ASZ1: variants seen among roughly 807,000 people sequenced by gnomAD.
The protein encoded by ASZ1 is ankyrin repeat, SAM and basic leucine zipper domain containing 1.
A neutral mutation model predicts 61.8 loss-of-function variants in ASZ1; 67 were observed. That is an observed-to-expected ratio of 1.08 (90% confidence interval 0.89 to 1.33). The LOEUF (loss-of-function observed/expected upper bound fraction) is 1.33. Among genes scored for constraint, ASZ1 ranks in the 40% most tolerant of loss-of-function variants. The pLI is 0.00. For synonymous variants in ASZ1, 193 were observed against 192.7 expected (o/e 1.00, Z -0.01); for missense variants, 577 against 554.5 (o/e 1.04, Z -0.41).
chr7:117,370,648 C>A (rs1796031912), intron 10 of ASZ1, among the ~76,000 whole-genome samples: 1 of 151,932 alleles, frequency 6.6e-6, no homozygotes, highest in Non-Finnish European at 1.5e-5. Context: ...ATACAATAAC[C>A]ATAAGATGCC....
chr7:117,380,099 T>G lies in ASZ1; in HGVS notation c.946-52A>C, dbSNP rs369639530. ...GTAAGTTAGTTATACTTGAGTAATT[T>G]AAAACTCAAAATTGCTAAAGATGTT... On this transcript the variant is annotated intron_variant, in intron 9 of 12. Transcript: ENST00000284629. 7 of 1,184,674 alleles carry G rather than the reference T, an allele frequency of 5.9e-6. No individual in the cohort carries two copies. The African/African-American group carries it at 1.1e-4, about 18-fold the overall frequency. 73.4% of individuals were successfully genotyped at this position (1,184,674 alleles called of 1,614,324 possible). A position where few individuals can be genotyped will look rare whatever the true frequency, so the allele number is the denominator to read the frequency against.
chr7:117,386,193 T>A (rs1034666905), intron 4 of ASZ1, among the ~76,000 whole-genome samples: 6 of 152,176 alleles, frequency 3.9e-5, no homozygotes, highest in African/African-American at 1.4e-4. Context: ...CTCAAAGGAT[T>A]TGCTAATACT....
intron 4 of ASZ1, among the ~76,000 whole-genome samples, chr7:117,403,812 G>A (rs951426926): frequency 1.2e-4 from 19 of 152,250 alleles, no homozygotes; most frequent in Admixed American, 3.9e-4. Context: ...GAACTGAGCC[G>A]CAGAGCAGGA....
chr7:117,397,777 T>TC (rs1796604238), intron 4 of ASZ1, among the ~76,000 whole-genome samples: 1 of 152,162 alleles, frequency 6.6e-6, no homozygotes. Context: ...CAGAGGCTAC[T>TC]CCCCCTACAA....
Position 117,395,073 on chromosome 7 carries a change from T to A in ASZ1, c.441-9264A>T, listed in dbSNP as rs190323129. Reference sequence around the variant, plus strand: ...GGTGATTTTTGGTTGTGCACCTACCTTCTGGTCTATGGCAAAGGCCTCCAA... The same window carrying A: ...GGTGATTTTTGGTTGTGCACCTACCATCTGGTCTATGGCAAAGGCCTCCAA... On this transcript the variant is annotated intron_variant, in intron 4 of 12. Transcript: ENST00000284629. 1.7e-3 allele frequency among the ~76,000 whole-genome samples: 260 copies of A among 152,004 alleles called. 2 individuals carry two copies. The highest frequency in any genetic ancestry group is 6.2e-3 in the African/African-American group (256 of 41,578).
chr7:117,392,429 T>G (rs1796488755), intron 4 of ASZ1, among the ~76,000 whole-genome samples: 1 of 152,186 alleles, frequency 6.6e-6, no homozygotes, highest in Non-Finnish European at 1.5e-5. Context: ...CCTAGGTATT[T>G]TAATTATTTC....
chr7:117,424,072 T>C lies in ASZ1; in HGVS notation c.206-1713A>G, dbSNP rs571442613. 1.1e-4 allele frequency among the ~76,000 whole-genome samples: 17 copies of C among 152,220 alleles called. No individual in the cohort carries two copies. In the South Asian group the frequency reaches 3.3e-3, roughly 30 times the overall value. On this transcript the variant is annotated intron_variant, in intron 2 of 12. Transcript: ENST00000284629. ...AATAATACTATATTGTTTAGGGACA[T>C]AGTAAAAGTATAAAGATACTCATAA...
chr7:117,410,023 T>A (rs1342025715), intron 4 of ASZ1, among the ~76,000 whole-genome samples: 1 of 151,786 alleles, frequency 6.6e-6, no homozygotes, highest in East Asian at 1.9e-4. Context: ...ATATCTCTTA[T>A]GTGTAAACTT....
intron 10 of ASZ1, among the ~76,000 whole-genome samples, chr7:117,374,937 A>G (rs1796110872): frequency 6.6e-6 from 1 of 152,088 alleles, no homozygotes; most frequent in Admixed American, 6.6e-5. Flanking sequence ...AACAGCTTAC[A>G]TAAGCAAGAG....
chr7:117,381,172 T>G (rs1584722731), intron 8 of ASZ1, 105 bp from the exon 9 acceptor site: 1 of 977,446 alleles, frequency 1.0e-6, no homozygotes, highest in African/African-American at 1.6e-5. Context: ...CTGAAGCAAA[T>G]TCCAATTTTC....
At chr7:117,395,787 A>C (rs1796566721) in intron 4 of ASZ1, among the ~76,000 whole-genome samples, 1 of 152,216 alleles carries the variant, frequency 6.6e-6, no homozygotes, top group Admixed American at 6.5e-5. Flanking sequence ...AAAAAGATGT[A>C]ATAGTTTAAT....
intron 10 of ASZ1, among the ~76,000 whole-genome samples, chr7:117,371,799 G>A (rs1339008230): frequency 2.6e-5 from 4 of 152,086 alleles, no homozygotes; most frequent in Non-Finnish European, 5.9e-5. Flanking sequence ...AAGATCCATT[G>A]AGAATTATCA....
chr7:117,400,527 C>G lies in ASZ1; in HGVS notation c.441-14718G>C, dbSNP rs926721176. On this transcript the variant is annotated intron_variant, in intron 4 of 12. Transcript: ENST00000284629. ...GCAGAAAGCAGTAACTTTAGGCCTT[C>G]TTATGGTGATGGGGAACTCCAACAC... is the stretch of plus-strand genomic sequence containing the variant. Among the ~76,000 whole-genome samples the G allele has an allele frequency of 5.3e-5, 8 of 152,150 alleles. No homozygotes were observed. In the South Asian group the frequency reaches 8.3e-4, roughly 16 times the overall value.
rs553177863 is a variant in ASZ1 at position 117,368,169 on chromosome 7, C to T, written c.1161+443G>A. 6 of 819,338 alleles carry T rather than the reference C, an allele frequency of 7.3e-6. No homozygotes were observed. In the African/African-American group the frequency reaches 1.1e-4, roughly 15 times the overall value. The allele number at this position is 819,338 out of a possible 1,614,324, so 50.8% of individuals were successfully genotyped here. On this transcript the variant is annotated intron_variant, in intron 11 of 12. Coordinates refer to ENST00000284629, the MANE Select transcript of ASZ1 (RefSeq NM_130768.3). ...CTCAAACTCCTGGCCTCAAGCAATTCTCCCACGTGGGCCTCCCAAAGTGTT... is the reference window on the plus strand; with the variant it reads ...CTCAAACTCCTGGCCTCAAGCAATTTTCCCACGTGGGCCTCCCAAAGTGTT...
Position 117,363,353 on chromosome 7 carries a change from C to T in ASZ1, c.*243G>A, listed in dbSNP as rs1795861770. The T allele has an allele frequency of 1.5e-5, 4 of 266,004 alleles. No individual in the cohort carries two copies. Among genetic ancestry groups the T allele is most frequent in the East Asian group, 6.5e-5 (1 of 15,428 alleles). The allele number at this position is 266,004 out of a possible 1,614,324, so 16.5% of individuals were successfully genotyped here. On this transcript the variant is annotated 3_prime_UTR_variant, in exon 13 of 13. Transcript: ENST00000284629. The stretch of plus-strand genomic sequence containing the variant: ...TTTAATTTTGAATGTGATTTAGATA[C>T]GATCAAACCAAAAAATTACTTATAC...
intron 4 of ASZ1, among the ~76,000 whole-genome samples, chr7:117,387,540 T>A (rs907381560): frequency 1.3e-5 from 2 of 152,136 alleles, no homozygotes; most frequent in African/African-American, 4.8e-5. Flanking sequence ...TTAACCACAT[T>A]ACTCAGGCTT....
intron 4 of ASZ1, among the ~76,000 whole-genome samples, chr7:117,406,078 G>C (rs1226900141): frequency 1.4e-5 from 2 of 145,964 alleles, no homozygotes; most frequent in Non-Finnish European, 2.9e-5. Flanking sequence ...TTAGACCATA[G>C]GGTCATTATC....
Position 117,381,981 on chromosome 7 carries a change from G to T in ASZ1, c.888+88C>A. On this transcript the variant is annotated intron_variant, in intron 8 of 12. Coordinates refer to ENST00000284629, the MANE Select transcript of ASZ1 (RefSeq NM_130768.3). ...AAAAGTAAATTGGCAGTTATTCATA[G>T]ACATGTTTATGAATTAATATCTAAC... The T allele has an allele frequency of 4.9e-6, 4 of 810,694 alleles. No homozygotes were observed. The Admixed American group carries it at 7.3e-5, about 15-fold the overall frequency. 50.2% of individuals were successfully genotyped at this position (810,694 alleles called of 1,614,324 possible).
intron 4 of ASZ1, among the ~76,000 whole-genome samples, chr7:117,414,437 TTTAG>T (rs1796951327): frequency 6.6e-6 from 1 of 152,186 alleles, no homozygotes; most frequent in Non-Finnish European, 1.5e-5. Context: ...AATGTATCTA[TTTAG>T]TTAATAAGTT....
Sources: gnomAD v4.1 joint callset for allele counts (sites outside exome capture counted in the v4.1 genomes callset) on GRCh38, gnomAD v4.1.1 for gene constraint, MANE v1.5 for transcripts, NCBI Gene and HGNC (gene_info 2026-07-23, HGNC 2026-07-21) for gene names.